The following ELAPOR2 variants were observed in gnomAD, a reference collection of about 807,000 sequenced individuals.
ELAPOR2 encodes the protein endosome/lysosome-associated apoptosis and autophagy regulator family member 2.
In ELAPOR2, 89 loss-of-function variants were observed where a neutral mutation model predicts 120.7. That is an observed-to-expected ratio of 0.74 (90% CI 0.62 to 0.88). The LOEUF (loss-of-function observed/expected upper bound fraction) is 0.88. Ranked by LOEUF, ELAPOR2 falls within the 40% of genes least tolerant of loss-of-function variation. ELAPOR2 has a pLI of 0.00. For synonymous variants in ELAPOR2, 444 were observed against 444.9 expected (o/e 1.00, Z 0.03); for missense variants, 1,134 against 1,251.6 (o/e 0.91, Z 1.42).
intron 1 of ELAPOR2, among the ~76,000 whole-genome samples, chr7:87,016,585 T>C (rs1302255443): frequency 6.6e-6 from 1 of 151,452 alleles, no homozygotes; most frequent in African/African-American, 2.4e-5. Context: ...TTGCAATTGC[T>C]TTTATCAATG....
chr7:86,877,041 A>C lies in ELAPOR2; in HGVS notation c.*3430T>G, dbSNP rs1799195000. On this transcript the variant is annotated 3_prime_UTR_variant, in exon 22 of 22. Coordinates refer to ENST00000450689, the MANE Select transcript of ELAPOR2 (RefSeq NM_001142749.3). ...AGCCCACATGCCCTGCAAAGCCAAA[A>C]CTATGTACTATCTGACCCTTTACAA... The C allele has an allele frequency of 6.6e-6, 1 of 152,126 alleles. No homozygotes were observed. Among genetic ancestry groups the C allele is most frequent in the Admixed American group, 6.6e-5 (1 of 15,256 alleles). The allele number at this position is 152,126 out of a possible 1,614,324, so 9.4% of individuals were successfully genotyped here. A position where few individuals can be genotyped will look rare whatever the true frequency, so the allele number is the denominator to read the frequency against.
intron 1 of ELAPOR2, among the ~76,000 whole-genome samples, chr7:86,988,621 G>A (rs1464256138): frequency 6.6e-6 from 1 of 152,166 alleles, no homozygotes; most frequent in African/African-American, 2.4e-5. Flanking sequence ...TGTATCCTAG[G>A]CAGTACAACG....
intron 1 of ELAPOR2, among the ~76,000 whole-genome samples, chr7:87,040,948 A>C (rs571454774): frequency 1.3e-5 from 2 of 151,318 alleles, no homozygotes; most frequent in Non-Finnish European, 2.9e-5. Flanking sequence ...ACCAAGGCTC[A>C]AGAACTACGT....
chr7:87,029,772 G>A (rs1160805042), intron 1 of ELAPOR2, among the ~76,000 whole-genome samples: 1 of 152,090 alleles, frequency 6.6e-6, no homozygotes, highest in Non-Finnish European at 1.5e-5. Flanking sequence ...ACTCAGACAG[G>A]ATATCTACAA....
Position 86,898,154 on chromosome 7 carries a change from T to C in ELAPOR2, c.2559-522A>G, listed in dbSNP as rs189131977. ...AGTATATCTGTATAAAGGAATATTA[T>C]TCAGCCATAAAAGAAATGCAGTAAG... On this transcript the variant is annotated intron_variant, in intron 18 of 21. Transcript: ENST00000450689. 5.0e-3 allele frequency among the ~76,000 whole-genome samples: 767 copies of C among 152,240 alleles called. 6 individuals carry two copies. Among genetic ancestry groups the C allele is most frequent in the Middle Eastern group, 0.037 (11 of 294 alleles).
chr7:87,059,557 C>T lies in ELAPOR2; in HGVS notation c.-44G>A. 1 of 1,158,190 alleles carries T rather than the reference C, an allele frequency of 8.6e-7. No individual in the cohort carries two copies. Among genetic ancestry groups the T allele is most frequent in the African/African-American group, 1.6e-5 (1 of 61,654 alleles). The allele number at this position is 1,158,190 out of a possible 1,614,324, so 71.7% of individuals were successfully genotyped here. On this transcript the variant is annotated 5_prime_UTR_variant, in exon 1 of 22. Coordinates refer to ENST00000450689, the MANE Select transcript of ELAPOR2 (RefSeq NM_001142749.3). ...GGCGGGCCGGCGGCAAGGCAGCCTT[C>T]CCGGGGTGCGGCGGCAGCTCCGGCT... is the stretch of plus-strand genomic sequence containing the variant.
At chr7:87,034,640 G>T (rs1267523031) in intron 1 of ELAPOR2, among the ~76,000 whole-genome samples, 1 of 152,018 alleles carries the variant, frequency 6.6e-6, no homozygotes, top group African/African-American at 2.4e-5. Flanking sequence ...TTATTTATAT[G>T]CCTAAGAATT....
At chr7:87,046,036 A>G (rs1794943790) in intron 1 of ELAPOR2, among the ~76,000 whole-genome samples, 1 of 152,104 alleles carries the variant, frequency 6.6e-6, no homozygotes, top group Non-Finnish European at 1.5e-5. Context: ...CAGATGACAT[A>G]TCTTATATTG....
chr7:86,970,663 G>A (rs556757249), intron 1 of ELAPOR2, among the ~76,000 whole-genome samples: 3 of 152,242 alleles, frequency 2.0e-5, no homozygotes, highest in African/African-American at 7.2e-5. Context: ...CAACTTATAC[G>A]AGCTCCTTTA....
intron 13 of ELAPOR2, among the ~76,000 whole-genome samples, chr7:86,913,985 A>C (rs1789444063): frequency 6.6e-6 from 1 of 152,216 alleles, no homozygotes; most frequent in South Asian, 2.1e-4. Context: ...CTTAACCTTC[A>C]TAAGGAATAA....
At chr7:86,911,257 C>A (rs1209621839) in intron 15 of ELAPOR2, among the ~76,000 whole-genome samples, 1 of 152,006 alleles carries the variant, frequency 6.6e-6, no homozygotes, top group Non-Finnish European at 1.5e-5. Flanking sequence ...TGTCTTGGAT[C>A]ACCCCAGGTA....
At chr7:86,981,543 C>T (rs1367511652) in intron 1 of ELAPOR2, among the ~76,000 whole-genome samples, 2 of 152,200 alleles carry the variant, frequency 1.3e-5, no homozygotes, top group East Asian at 3.8e-4. Context: ...ACAAATGTTT[C>T]TAGCTGTCTT....
chr7:86,955,986 G>A (rs1246327641), intron 2 of ELAPOR2, among the ~76,000 whole-genome samples: 2 of 150,310 alleles, frequency 1.3e-5, no homozygotes, highest in African/African-American at 4.9e-5. Flanking sequence ...AAAAGAAAAA[G>A]AAAAAAAGAA....
In ELAPOR2 at chr7:86,964,006, T is replaced by C. The variant is rs4727130; in HGVS notation, c.310+898A>G. Among the ~76,000 whole-genome samples, 896 of 152,318 alleles carry C rather than the reference T, an allele frequency of 5.9e-3. 19 individuals are homozygous for C. Among genetic ancestry groups the C allele is most frequent in the Admixed American group, 0.048 (735 of 15,286 alleles). ...CCCTTTTATCAGTAAATCCACCAAT[T>C]ATGCTAAAACTCCTCCAGCTAGTGA... On this transcript the variant is annotated intron_variant, in intron 2 of 21. Transcript: ENST00000450689.
At chr7:86,983,034 A>T (rs1390888946) in intron 1 of ELAPOR2, among the ~76,000 whole-genome samples, 1 of 152,252 alleles carries the variant, frequency 6.6e-6, no homozygotes, top group Non-Finnish European at 1.5e-5. Flanking sequence ...GAATGACGTG[A>T]CACATGCACA....
At chr7:86,976,404 G>A (rs1792285201) in intron 1 of ELAPOR2, among the ~76,000 whole-genome samples, 1 of 152,162 alleles carries the variant, frequency 6.6e-6, no homozygotes, top group South Asian at 2.1e-4. Context: ...AGTCTATGAA[G>A]TAACAGTCCC....
intron 1 of ELAPOR2, among the ~76,000 whole-genome samples, chr7:87,002,935 C>G (rs143607789): frequency 5.6e-4 from 85 of 152,194 alleles, no homozygotes; most frequent in Middle Eastern, 3.4e-3. Flanking sequence ...CTAGACATTC[C>G]CTGGCTTTAG....
chr7:86,946,691 G>A (rs1420750078), intron 3 of ELAPOR2, among the ~76,000 whole-genome samples: 1 of 152,120 alleles, frequency 6.6e-6, no homozygotes, highest in African/African-American at 2.4e-5. Context: ...CACTGGCCCA[G>A]ACTCAAATTT....
chr7:86,919,128 A>T (rs1281933796), intron 11 of ELAPOR2, 92 bp downstream of exon 11: 1 of 800,378 alleles, frequency 1.2e-6, no homozygotes, highest in East Asian at 2.7e-5. Flanking sequence ...TGTAATATTA[A>T]TATGTTCCAT....
Sources: allele counts gnomAD v4.1 joint callset (sites outside exome capture counted in the v4.1 genomes callset), GRCh38; gene constraint gnomAD v4.1.1; transcripts MANE v1.5; gene names NCBI Gene and HGNC (gene_info 2026-07-23, HGNC 2026-07-21).